Variants in ATP13A4 observed in about 807,000 individuals in gnomAD.
The protein encoded by ATP13A4 is probable cation-transporting ATPase 13A4.
A neutral mutation model predicts 142.5 loss-of-function variants in ATP13A4; 114 were observed. That is an observed-to-expected ratio of 0.80 (90% CI 0.69 to 0.93). The LOEUF (loss-of-function observed/expected upper bound fraction) is 0.93, where lower values mean the gene tolerates loss of function less well. Among genes scored for constraint, ATP13A4 ranks in the 40% least tolerant of loss-of-function variants. The pLI is 0.00. For missense variants in ATP13A4, 1,392 were observed against 1,454.0 expected (o/e 0.96, Z 0.69); for synonymous variants, 488 against 514.8 (o/e 0.95, Z 0.70).
intron 24 of ATP13A4, among the ~76,000 whole-genome samples, chr3:193,434,622 G>T (rs1456170725): frequency 6.6e-6 from 1 of 152,144 alleles, no homozygotes; most frequent in African/African-American, 2.4e-5. Context: ...GTTTATCGGA[G>T]AGCAATAGAA....
At chr3:193,535,704 T>C (rs765732928) in intron 1 of ATP13A4, among the ~76,000 whole-genome samples, 9 of 151,656 alleles carry the variant, frequency 5.9e-5, no homozygotes, top group Non-Finnish European at 1.0e-4. Context: ...TCAATGAAAT[T>C]GTGAATAGAA....
At chr3:193,574,544 C>T (rs955642769) in intron 2 of ATP13A4, among the ~76,000 whole-genome samples, 5 of 150,128 alleles carry the variant, frequency 3.3e-5, no homozygotes, top group African/African-American at 7.4e-5. Context: ...CATGGTGAAA[C>T]CCTGTCTGTA....
chr3:193,444,828 A>G (rs1396307974), intron 18 of ATP13A4, among the ~76,000 whole-genome samples: 2 of 152,210 alleles, frequency 1.3e-5, no homozygotes, highest in African/African-American at 4.8e-5. Context: ...GAAGATCCTC[A>G]AAAGAGCCGA....
intron 17 of ATP13A4, 115 bp from the exon 18 acceptor site, chr3:193,448,445 C>A: frequency 7.5e-7 from 1 of 1,327,952 alleles, no homozygotes; most frequent in South Asian, 1.2e-5. Flanking sequence ...AAGTCATTCT[C>A]CTGCCTCAGC....
At chr3:193,569,310 T>C (rs200398285) in intron 2 of ATP13A4, among the ~76,000 whole-genome samples, 5 of 152,312 alleles carry the variant, frequency 3.3e-5, no homozygotes, top group Non-Finnish European at 7.4e-5. Context: ...TCCTTAAAAT[T>C]GACAAGGTCA....
chr3:193,428,076 A>G (rs1045176155), intron 25 of ATP13A4, among the ~76,000 whole-genome samples: 4 of 152,138 alleles, frequency 2.6e-5, no homozygotes, highest in Admixed American at 6.5e-5. Context: ...TCTACAAAGA[A>G]CTCAAACAAA....
chr3:193,456,237 A>G (rs1717603241), intron 16 of ATP13A4, among the ~76,000 whole-genome samples: 1 of 152,172 alleles, frequency 6.6e-6, no homozygotes, highest in Admixed American at 6.5e-5. Flanking sequence ...ATTTCTGTCT[A>G]ATTGAGTTAC....
At position 193,547,107 on chromosome 3, in the gene ATP13A4, G is replaced by A. The variant is rs188410675; in HGVS notation, c.60+7633C>T. On this transcript the variant is annotated intron_variant, in intron 1 of 29. Transcript: ENST00000342695. Reference sequence around the variant, plus strand: ...GTTACCTCTTCTTTCTTACTTCCCAGTCTTTGGATTATGAAGTCTTCTTAA... The same window carrying A: ...GTTACCTCTTCTTTCTTACTTCCCAATCTTTGGATTATGAAGTCTTCTTAA... 2.0e-5 allele frequency among the ~76,000 whole-genome samples: 3 copies of A among 152,160 alleles called. No homozygotes were observed. The East Asian group carries it at 5.8e-4, about 29-fold the overall frequency.
At chr3:193,489,994 G>T in intron 6 of ATP13A4, 130 bp from the exon 7 acceptor site, 4 of 1,071,950 alleles carry the variant, frequency 3.7e-6, no homozygotes, top group Non-Finnish European at 5.4e-6. Context: ...ATATTTATTC[G>T]GCAATTGACA....
At chr3:193,455,363 A>G (rs1374747664) in intron 16 of ATP13A4, among the ~76,000 whole-genome samples, 2 of 143,960 alleles carry the variant, frequency 1.4e-5, no homozygotes, top group African/African-American at 2.5e-5. Context: ...AAAAAAAAAA[A>G]GTAGGCAAAG....
At chr3:193,497,536 A>G (rs1339624718) in intron 3 of ATP13A4, among the ~76,000 whole-genome samples, 2 of 152,200 alleles carry the variant, frequency 1.3e-5, no homozygotes, top group Non-Finnish European at 2.9e-5. Flanking sequence ...AAAATAAACT[A>G]TCATATGATC....
chr3:193,489,725 C>G lies in ATP13A4; in HGVS notation c.738+5G>C. The G allele has an allele frequency of 6.2e-7, 1 of 1,606,728 alleles. No homozygotes were observed. The highest frequency in any genetic ancestry group is 8.5e-7 in the Non-Finnish European group (1 of 1,173,618). On this transcript the variant is annotated splice_donor_5th_base_variant and intron_variant, in intron 7 of 29. Coordinates refer to ENST00000342695, the MANE Select transcript of ATP13A4 (RefSeq NM_032279.4). ...TGAAACCATAGAATTAATAGAAAAA[C>G]TCACCTCTCTGAGATCATATACTGT...
At chr3:193,530,310 T>C (rs1722248617) in intron 1 of ATP13A4, among the ~76,000 whole-genome samples, 1 of 152,150 alleles carries the variant, frequency 6.6e-6, no homozygotes, top group Admixed American at 6.5e-5. Context: ...TCTTTAAAAG[T>C]ACTACTCAAA....
intron 2 of ATP13A4, among the ~76,000 whole-genome samples, chr3:193,568,637 T>C (rs1350197629): frequency 6.6e-6 from 1 of 152,210 alleles, no homozygotes; most frequent in Non-Finnish European, 1.5e-5. Context: ...TCTTTGTTTC[T>C]AATGCCATTC....
At chr3:193,529,542 T>C (rs1722204417) in intron 1 of ATP13A4, among the ~76,000 whole-genome samples, 1 of 152,088 alleles carries the variant, frequency 6.6e-6, no homozygotes. Flanking sequence ...TTTTTCATGA[T>C]GATGATTTAT....
chr3:193,503,788 T>C (rs1364671376), intron 2 of ATP13A4, among the ~76,000 whole-genome samples: 2 of 152,178 alleles, frequency 1.3e-5, no homozygotes, highest in African/African-American at 4.8e-5. Flanking sequence ...GATTCTACCA[T>C]CCTTCAGGGT....
chr3:193,582,628 T>C (rs1724577335), intron 1 of ATP13A4, among the ~76,000 whole-genome samples: 1 of 83,948 alleles, frequency 1.2e-5, no homozygotes, highest in Admixed American at 1.3e-4. Flanking sequence ...ATATGTATAT[T>C]ACATACATTA....
At position 193,474,718 on chromosome 3, in the gene ATP13A4, G is replaced by A. The variant is rs185686401; in HGVS notation, c.809-3725C>T. Among the ~76,000 whole-genome samples the A allele has an allele frequency of 3.1e-3, 341 of 109,846 alleles. 4 individuals carry two copies. The highest frequency in any genetic ancestry group is 0.013 in the African/African-American group (332 of 25,858). 72.1% of individuals were successfully genotyped at this position (109,846 alleles called of 152,430 possible). A position where few individuals can be genotyped will look rare whatever the true frequency, so the allele number is the denominator to read the frequency against. On this transcript the variant is annotated intron_variant, in intron 8 of 29. Coordinates refer to ENST00000342695, the MANE Select transcript of ATP13A4 (RefSeq NM_032279.4). ...AGAAAAAAGGAAGGAAGGAAAGAGAGAGAGAAAGAAAGAGAAAGAAAGAAA... is the reference window on the plus strand; with the variant it reads ...AGAAAAAAGGAAGGAAGGAAAGAGAAAGAGAAAGAAAGAGAAAGAAAGAAA...
chr3:193,475,614 TTC>T (rs1372113205), intron 8 of ATP13A4, among the ~76,000 whole-genome samples: 3 of 151,996 alleles, frequency 2.0e-5, no homozygotes, highest in Non-Finnish European at 4.4e-5. Context: ...CTGGAATGTC[TTC>T]TGTCTTACAG....
Sources: allele counts gnomAD v4.1 joint callset (sites outside exome capture counted in the v4.1 genomes callset), GRCh38; gene constraint gnomAD v4.1.1; transcripts MANE v1.5; gene names NCBI Gene and HGNC (gene_info 2026-07-23, HGNC 2026-07-21).